The following SPATA13 variants were observed in gnomAD, a reference collection of about 807,000 sequenced individuals.
SPATA13 encodes spermatogenesis associated 13.
A neutral mutation model predicts 104.0 loss-of-function variants in SPATA13; 50 were observed. The observed-to-expected ratio is 0.48, with a 90% CI of 0.38 to 0.61. SPATA13 has a LOEUF of 0.61. Among genes scored for constraint, SPATA13 ranks in the 20% least tolerant of loss-of-function variants. The pLI is 0.00. For missense variants in SPATA13, 1,524 were observed against 1,690.6 expected, an observed-to-expected ratio of 0.90 and a Z score of 1.73; for synonymous variants, 606 against 667.5, an observed-to-expected ratio of 0.91 and a Z score of 1.42.
intron 3 of SPATA13, among the ~76,000 whole-genome samples, chr13:24,132,977 A>AAAAC (rs757109531): frequency 2.2e-4 from 34 of 152,276 alleles, no homozygotes; most frequent in Non-Finnish European, 3.4e-4. Context: ...CTCTGTCTCA[A>AAAAC]AAACAAACAA....
chr13:24,237,815 A>C (rs780220781), intron 2 of SPATA13, among the ~76,000 whole-genome samples: 1 of 150,358 alleles, frequency 6.7e-6, no homozygotes, highest in Non-Finnish European at 1.5e-5. Context: ...TTTAAAAAGT[A>C]GTCAAAGTAG....
At position 23,980,184 on chromosome 13, in the gene SPATA13, C is replaced by CA. The variant is rs949332397; in HGVS notation, c.-354+270dup. Among the ~76,000 whole-genome samples the CA allele has an allele frequency of 7.5e-3, 1,111 of 147,452 alleles. 18 individuals carry two copies. Among genetic ancestry groups the CA allele is most frequent in the African/African-American group, 0.026 (1,035 of 40,266 alleles). ...TCGGCGACAGAGCGAGACTCCGTCT[C>CA]AAAAAAAAAAGAAGAAAAGAAAAGT... On this transcript the variant is annotated intron_variant, in intron 1 of 14. Transcript: ENST00000424834.
intron 3 of SPATA13, among the ~76,000 whole-genome samples, chr13:24,113,510 A>T (rs1349461235): frequency 6.6e-6 from 1 of 152,152 alleles, no homozygotes; most frequent in Admixed American, 6.5e-5. Context: ...AGGCTGAGGC[A>T]TGAGAATCGC....
chr13:24,023,497 C>T (rs1816953676), intron 3 of SPATA13, among the ~76,000 whole-genome samples: 1 of 152,102 alleles, frequency 6.6e-6, no homozygotes, highest in African/African-American at 2.4e-5. Flanking sequence ...ATGTCCATGT[C>T]CTATTCCCTG....
At chr13:24,045,868 C>A (rs1878125815) in intron 3 of SPATA13, among the ~76,000 whole-genome samples, 1 of 152,184 alleles carries the variant, frequency 6.6e-6, no homozygotes, top group Non-Finnish European at 1.5e-5. Context: ...CTCAGATGAA[C>A]TGATTCCATT....
chr13:24,149,822 A>G (rs140760555), intron 3 of SPATA13, among the ~76,000 whole-genome samples: 1 of 152,212 alleles, frequency 6.6e-6, no homozygotes, highest in Non-Finnish European at 1.5e-5. Context: ...AAGAAACTTG[A>G]ACTCGGTTGT....
At chr13:24,045,584 A>G (rs1374661547) in intron 3 of SPATA13, among the ~76,000 whole-genome samples, 1 of 152,240 alleles carries the variant, frequency 6.6e-6, no homozygotes, top group African/African-American at 2.4e-5. Context: ...GTAAAATGAC[A>G]CTGTAAACAA....
chr13:24,202,794 C>T (rs1870494923), intron 1 of SPATA13, among the ~76,000 whole-genome samples: 2 of 151,924 alleles, frequency 1.3e-5, no homozygotes, highest in South Asian at 2.1e-4. Flanking sequence ...GTGAAACACT[C>T]CCAGGAGCCT....
intron 2 of SPATA13, among the ~76,000 whole-genome samples, chr13:24,249,257 AGAATCAGCCTATT>A (rs1442941658): frequency 6.6e-6 from 1 of 152,232 alleles, no homozygotes; most frequent in East Asian, 1.9e-4. Context: ...ATATCAGCCT[AGAATCAGCCTATT>A]GAATCAGCCT....
intron 2 of SPATA13, among the ~76,000 whole-genome samples, chr13:24,239,360 G>T (rs1384857625): frequency 6.6e-6 from 1 of 152,016 alleles, no homozygotes; most frequent in African/African-American, 2.4e-5. Flanking sequence ...TTACATTGTG[G>T]GATGGAGGCC....
At chr13:23,994,056 G>A (rs1271703361) in intron 2 of SPATA13, among the ~76,000 whole-genome samples, 1 of 149,026 alleles carries the variant, frequency 6.7e-6, no homozygotes, top group Non-Finnish European at 1.5e-5. Context: ...TGATTGCCAC[G>A]CATTGGCGTC....
intron 4 of SPATA13, among the ~76,000 whole-genome samples, chr13:24,268,437 A>C (rs1874394008): frequency 6.6e-6 from 1 of 152,162 alleles, no homozygotes; most frequent in African/African-American, 2.4e-5. Flanking sequence ...CATCTTAAGT[A>C]TTTGCCTCTT....
At position 24,297,561 on chromosome 13, in the gene SPATA13, C is replaced by A; in HGVS notation, c.3409C>A (p.Leu1137Met). Reference protein sequence around the residue: ...LDMDEMELVDLGDGRDKDCNL... With the variant: ...LDMDEMELVDMGDGRDKDCNL... Reference sequence around the variant, plus strand: ...CATGGATGAGATGGAGCTTGTGGACCTGGGGGATGGGCGCGACAAGGACTG... The same window carrying A: ...CATGGATGAGATGGAGCTTGTGGACATGGGGGATGGGCGCGACAAGGACTG... Residue 1137 changes from leucine to methionine, a missense_variant, in exon 11 of 13, where the codon CTG (leucine) becomes ATG (methionine). Physicochemically the swap from Leu to Met is conservative, Grantham distance 15. Coordinates refer to ENST00000382108, the MANE Select transcript of SPATA13 (RefSeq NM_001166271.3). 6.2e-7 allele frequency: 1 copy of A among 1,614,208 alleles called. No individual in the cohort carries two copies. The highest frequency in any genetic ancestry group is 1.1e-5 in the South Asian group (1 of 91,080).
chr13:24,277,799 G>T (rs557558300), intron 4 of SPATA13, among the ~76,000 whole-genome samples: 1 of 152,268 alleles, frequency 6.6e-6, no homozygotes, highest in South Asian at 2.1e-4. Flanking sequence ...CCTTTAAGAT[G>T]GTAAGCGACC....
At chr13:24,019,176 C>T (rs1876855116) in intron 3 of SPATA13, among the ~76,000 whole-genome samples, 1 of 149,556 alleles carries the variant, frequency 6.7e-6, no homozygotes, top group Non-Finnish European at 1.5e-5. Flanking sequence ...GTAAGCTCCG[C>T]CTCCCGGGTT....
At chr13:24,031,042 A>G (rs1452453369) in intron 3 of SPATA13, among the ~76,000 whole-genome samples, 1 of 152,200 alleles carries the variant, frequency 6.6e-6, no homozygotes, top group Non-Finnish European at 1.5e-5. Context: ...AGTTTACCGC[A>G]TTTTCTTCCA....
At chr13:24,266,317 C>G (rs1874292891) in intron 4 of SPATA13, among the ~76,000 whole-genome samples, 1 of 152,160 alleles carries the variant, frequency 6.6e-6, no homozygotes, top group African/African-American at 2.4e-5. Flanking sequence ...TAATGTCTTG[C>G]TCTGTCACCC....
At chr13:24,080,774 C>T (rs903999719) in intron 3 of SPATA13, among the ~76,000 whole-genome samples, 1 of 152,160 alleles carries the variant, frequency 6.6e-6, no homozygotes, top group African/African-American at 2.4e-5. Flanking sequence ...GAACGTCCAT[C>T]GCACATGTTA....
intron 3 of SPATA13, among the ~76,000 whole-genome samples, chr13:24,053,014 C>T (rs1431697592): frequency 6.6e-6 from 1 of 151,258 alleles, no homozygotes; most frequent in Non-Finnish European, 1.5e-5. Flanking sequence ...TGGATTTTCT[C>T]TTCTCTCCTG....
Sources: gnomAD v4.1 joint callset for allele counts (sites outside exome capture counted in the v4.1 genomes callset) on GRCh38, gnomAD v4.1.1 for gene constraint, MANE v1.5 for transcripts, NCBI Gene and HGNC (gene_info 2026-07-23, HGNC 2026-07-21) for gene names.